The following PPP1CB variants were observed in gnomAD, a reference collection of about 807,000 sequenced individuals.
PPP1CB encodes protein phosphatase 1 catalytic subunit beta.
Under a neutral mutation model 43.7 loss-of-function variants are expected in PPP1CB, and 2 were observed. The ratio of observed to expected loss-of-function variants is 0.05; its 90% CI spans 0.02 to 0.14. The LOEUF (loss-of-function observed/expected upper bound fraction) is 0.14, where lower values mean the gene tolerates loss of function less well. Ranked by LOEUF, PPP1CB falls within the 10% of genes least tolerant of loss-of-function variation. The pLI is 1.00. For synonymous variants in PPP1CB, 136 were observed against 135.6 expected, an observed-to-expected ratio of 1.00 and a Z score of -0.02; for missense variants, 84 against 398.0, an observed-to-expected ratio of 0.21 and a Z score of 6.71.
intron 1 of PPP1CB, among the ~76,000 whole-genome samples, chr2:28,763,451 G>GAAAAA (rs11419223): frequency 1.4e-5 from 2 of 147,758 alleles, no homozygotes; most frequent in African/African-American, 2.5e-5. Context: ...CAGTGCAGTG[G>GAAAAA]AAAAAAAAAA....
intron 1 of PPP1CB, among the ~76,000 whole-genome samples, chr2:28,759,626 C>CT (rs1253915880): frequency 1.7e-4 from 17 of 102,872 alleles, no homozygotes; most frequent in East Asian, 7.0e-4. Flanking sequence ...TTTTTTTTTT[C>CT]TTTTTTTTGA....
chr2:28,780,220 C>T (rs1667130612), intron 3 of PPP1CB, among the ~76,000 whole-genome samples: 1 of 151,670 alleles, frequency 6.6e-6, no homozygotes, highest in Non-Finnish European at 1.5e-5. Context: ...TCCCGATTAG[C>T]TGGGATTACA....
At chr2:28,786,774 CAAAAAA>C (rs70956040) in intron 5 of PPP1CB, among the ~76,000 whole-genome samples, 2 of 94,908 alleles carry the variant, frequency 2.1e-5, no homozygotes, top group African/African-American at 8.1e-5. Context: ...GACTCCGTCT[CAAAAAA>C]AAAAAAAAAA....
chr2:28,759,679 G>T (rs1223679124), intron 1 of PPP1CB, among the ~76,000 whole-genome samples: 16 of 150,330 alleles, frequency 1.1e-4, no homozygotes, highest in African/African-American at 3.4e-4. Flanking sequence ...GTGCAGTGAC[G>T]CGATCTCAGT....
intron 5 of PPP1CB, among the ~76,000 whole-genome samples, chr2:28,786,571 T>C (rs781396067): frequency 3.9e-5 from 6 of 151,948 alleles, no homozygotes; most frequent in Admixed American, 2.6e-4. Context: ...AATTATAGAT[T>C]CTTGAGATCG....
At chr2:28,787,248 A>G (rs532100703) in intron 5 of PPP1CB, among the ~76,000 whole-genome samples, 6 of 152,186 alleles carry the variant, frequency 3.9e-5, no homozygotes, top group African/African-American at 1.4e-4. Flanking sequence ...TCACGAGGTT[A>G]GGAGATCGAG....
intron 5 of PPP1CB, among the ~76,000 whole-genome samples, chr2:28,786,792 A>G (rs947211010): frequency 3.3e-5 from 5 of 151,606 alleles, no homozygotes; most frequent in South Asian, 4.2e-4. Flanking sequence ...AAAAAAAAAA[A>G]AAAGAAATTA....
intron 7 of PPP1CB, among the ~76,000 whole-genome samples, chr2:28,795,728 T>C: frequency 6.6e-6 from 1 of 152,224 alleles, no homozygotes; most frequent in East Asian, 1.9e-4. Flanking sequence ...TTGTATTTTC[T>C]CTCATTCTAT....
intron 5 of PPP1CB, among the ~76,000 whole-genome samples, chr2:28,786,766 C>A (rs1667274260): frequency 1.2e-5 from 1 of 86,154 alleles, no homozygotes; most frequent in Non-Finnish European, 2.2e-5. Context: ...CAGAGCGAGA[C>A]TCCGTCTCAA....
chr2:28,797,042 G>C (rs892657110), intron 7 of PPP1CB, among the ~76,000 whole-genome samples: 1 of 152,024 alleles, frequency 6.6e-6, no homozygotes, highest in Non-Finnish European at 1.5e-5. Context: ...ATGATCATAT[G>C]GTGTTTGTTT....
rs187492621 is a variant in PPP1CB, at chr2:28,778,455, G to A, written c.185-354G>A. On this transcript the variant is annotated intron_variant, in intron 2 of 7. Coordinates refer to ENST00000395366, the MANE Select transcript of PPP1CB (RefSeq NM_002709.3). The stretch of plus-strand genomic sequence containing the variant: ...GTCATCTGAAGGTTGAACTGTGAAA[G>A]GATTCAGTTCCTTATAGACTGATGG... 2.6e-4 allele frequency: 125 copies of A among 478,898 alleles called. No individual in the cohort carries two copies. The Middle Eastern group carries it at 2.8e-3, about 11-fold the overall frequency. The allele number at this position is 478,898 out of a possible 1,614,324, so 29.7% of individuals were successfully genotyped here. A position where few individuals can be genotyped will look rare whatever the true frequency, so the allele number is the denominator to read the frequency against.
chr2:28,760,235 A>G (rs994431677), intron 1 of PPP1CB, among the ~76,000 whole-genome samples: 1 of 152,266 alleles, frequency 6.6e-6, no homozygotes, highest in Non-Finnish European at 1.5e-5. Context: ...GCTGTATGAT[A>G]TGCTTTTGTT....
In PPP1CB at chr2:28,751,837, T is replaced by C. The variant is rs747362104; in HGVS notation, c.-288T>C. The C allele has an allele frequency of 5.8e-6, 3 of 516,420 alleles. No individual in the cohort carries two copies. The highest frequency in any genetic ancestry group is 5.9e-5 in the Admixed American group (2 of 33,636). 32.0% of individuals were successfully genotyped at this position (516,420 alleles called of 1,614,324 possible). A position where few individuals can be genotyped will look rare whatever the true frequency, so the allele number is the denominator to read the frequency against. The stretch of plus-strand genomic sequence containing the variant: ...GCGGCGCTGGTGAGCTTTGCGGAGC[T>C]GGGCGGTGCCGAGGAGGAGGAGGTG... On this transcript the variant is annotated 5_prime_UTR_variant, in exon 1 of 8. Transcript: ENST00000395366.
intron 1 of PPP1CB, among the ~76,000 whole-genome samples, chr2:28,763,452 A>G (rs59535547): frequency 2.0e-3 from 82 of 40,426 alleles, no homozygotes; most frequent in African/African-American, 4.7e-3. Flanking sequence ...AGTGCAGTGG[A>G]AAAAAAAAAA....
chr2:28,793,782 G>A (rs1572470575), intron 6 of PPP1CB, 81 bp from the exon 7 acceptor site: 1 of 1,501,092 alleles, frequency 6.7e-7, no homozygotes, highest in Non-Finnish European at 9.1e-7. Context: ...CACAGTCTTT[G>A]CCACCTTAAC....
At chr2:28,752,352 G>T (rs1407943624) in intron 1 of PPP1CB, among the ~76,000 whole-genome samples, 176 bp downstream of exon 1, 1 of 152,048 alleles carries the variant, frequency 6.6e-6, no homozygotes, top group African/African-American at 2.4e-5. Flanking sequence ...GCGCGGGGGA[G>T]CGGCCTCTGG....
intron 2 of PPP1CB, chr2:28,778,395 A>G (rs775010254): frequency 1.9e-5 from 9 of 472,056 alleles, no homozygotes; most frequent in Non-Finnish European, 3.9e-5. Context: ...TGGGTCTCTC[A>G]CAAGGCTCCA....
At position 28,793,991 on chromosome 2, in the gene PPP1CB, A is replaced by C; in HGVS notation, c.873A>C (p.Ser291=). ...GTGTGGATGAAACTTTGATGTGTTC[A>C]TTTCAGGTATGATGTAAACATAAAT... ...MMSVDETLMC[S]FQILKPSEKK... Residue 291 remains serine, a synonymous_variant, in exon 7 of 8, where the codon TCA becomes TCC. Transcript: ENST00000395366. 1 of 1,610,830 alleles carries C rather than the reference A, an allele frequency of 6.2e-7. No homozygotes were observed. Among genetic ancestry groups the C allele is most frequent in the Non-Finnish European group, 8.5e-7 (1 of 1,177,240 alleles).
intron 1 of PPP1CB, among the ~76,000 whole-genome samples, chr2:28,761,798 G>A (rs929258258): frequency 1.3e-5 from 2 of 152,166 alleles, no homozygotes; most frequent in Non-Finnish European, 2.9e-5. Context: ...AGGATAAAAT[G>A]GTGAAAAGTG....
Sources: allele counts gnomAD v4.1 joint callset (sites outside exome capture counted in the v4.1 genomes callset), GRCh38; gene constraint gnomAD v4.1.1; transcripts MANE v1.5; gene names NCBI Gene and HGNC (gene_info 2026-07-23, HGNC 2026-07-21).